Variants in ZYX observed in about 807,000 individuals in gnomAD.
ZYX encodes the protein zyxin-2.
ZYX carries 37 observed loss-of-function variants against 58.1 expected under a neutral mutation model. That is an observed-to-expected ratio of 0.64 (90% CI 0.49 to 0.84). The LOEUF is 0.84. Ranked by LOEUF, ZYX falls within the 40% of genes least tolerant of loss-of-function variation. ZYX has a pLI of 0.00. For missense variants in ZYX, 762 were observed against 761.6 expected (o/e 1.00, Z -0.01); for synonymous variants, 324 against 321.1 (o/e 1.01, Z -0.10).
rs1363911845 is a variant in ZYX, at chr7:143,389,450, C to G, written c.1494-407C>G. On this transcript the variant is annotated intron_variant, in intron 8 of 9. Transcript: ENST00000322764. This position sits in a 1 kb window ranked among gnomAD's most constrained non-coding sequence, Gnocchi z 5.6. The stretch of plus-strand genomic sequence containing the variant: ...ATCTGGGGTGGCCACAACTTCACAT[C>G]CCTCCACAGTGCCAGACAGTCAGGG... Among the ~76,000 whole-genome samples, 1 of 152,144 alleles carries G rather than the reference C, an allele frequency of 6.6e-6. No individual in the cohort carries two copies. The highest frequency in any genetic ancestry group is 1.5e-5 in the Non-Finnish European group (1 of 68,024).
At chr7:143,382,154 AG>A in intron 2 of ZYX, 93 bp from the exon 3 acceptor site, 1 of 1,052,754 alleles carries the variant, frequency 9.5e-7, no homozygotes, top group Non-Finnish European at 1.4e-6. Context: ...CCCCTGAGAG[AG>A]TTCTTGGGTT....
chr7:143,388,358 G>T lies in ZYX; in HGVS notation c.1144+19G>T, dbSNP rs769475273. ...GTCAACGGTGAGCCCACCCCACCGG[G>T]ACACCCCCACCCTGCCCCCACATCA... On this transcript the variant is annotated intron_variant, in intron 6 of 9. Transcript: ENST00000322764. The surrounding 1 kb of genome is among the most constrained non-coding windows in gnomAD (Gnocchi z 7.5). The T allele has an allele frequency of 7.4e-6, 12 of 1,613,290 alleles. No homozygotes were observed. Among genetic ancestry groups the T allele is most frequent in the Non-Finnish European group, 9.3e-6 (11 of 1,179,612 alleles).
chr7:143,382,932 G>A lies in ZYX; in HGVS notation c.633G>A (p.Gln211=). Residue 211 remains glutamine (Q), a synonymous_variant, in exon 5 of 10, where the codon CAG becomes CAA. Transcript: ENST00000322764. ...KSPSSSQPLP[Q]VPAPAQSQTQ... Reference sequence around the variant, plus strand: ...CTTCCAGCTCCCAGCCTCTGCCCCAGGTTCCGGCTCCGGCTCAGAGCCAGA... The same window carrying A: ...CTTCCAGCTCCCAGCCTCTGCCCCAAGTTCCGGCTCCGGCTCAGAGCCAGA... The A allele has an allele frequency of 6.2e-7, 1 of 1,614,080 alleles. No individual in the cohort carries two copies. Among genetic ancestry groups the A allele is most frequent in the Non-Finnish European group, 8.5e-7 (1 of 1,179,986 alleles).
rs139473664 is a variant in ZYX, at chr7:143,389,924, G to C, written c.1561G>C (p.Val521Leu). ...GCCTGAGCCTGGCCGAGATGAGACT[G>C]TGCGAGTGGTCGCCCTGGACAAGAA... ...IMPEPGRDET[V>L]RVVALDKNFH... is the part of the protein sequence containing the mutation. The change falls in exon 9 of 10, where the codon GTG (valine) becomes CTG (leucine). Residue 521 changes from valine (V) to leucine (L), a missense_variant. Physicochemically the swap from Val to Leu is conservative, Grantham distance 32 (BLOSUM62 1). Transcript: ENST00000322764. The surrounding 1 kb of genome is among the most constrained non-coding windows in gnomAD (Gnocchi z 5.6). The C allele has an allele frequency of 8.0e-5, 129 of 1,614,100 alleles. No individual in the cohort carries two copies. Among genetic ancestry groups the C allele is most frequent in the Admixed American group, 2.8e-4 (17 of 60,008 alleles).
rs767368635 is a variant in ZYX at position 143,382,234 on chromosome 7, C to A, written c.209-14C>A. On this transcript the variant is annotated splice_polypyrimidine_tract_variant and intron_variant, in intron 2 of 9. Coordinates refer to ENST00000322764, the MANE Select transcript of ZYX (RefSeq NM_003461.5). ...GAGGGACCCCGGCCGACGTCTTTCT[C>A]CTTCCTACCCCAGACTTTCCCCTGC... 6.2e-7 allele frequency: 1 copy of A among 1,610,596 alleles called. No individual in the cohort carries two copies. The highest frequency in any genetic ancestry group is 8.5e-7 in the Non-Finnish European group (1 of 1,178,286).
In ZYX at chr7:143,390,563, C is replaced by A. The variant is rs1377700840; in HGVS notation, c.1615-15C>A. ...GCCTTCCGGTCCAGTGCCCCTCACC[C>A]TTCCTTCTTCCCAGGACTGCGGGAA... On this transcript the variant is annotated splice_polypyrimidine_tract_variant and intron_variant, in intron 9 of 9. Coordinates refer to ENST00000322764, the MANE Select transcript of ZYX (RefSeq NM_003461.5). The surrounding 1 kb of genome is among the most constrained non-coding windows in gnomAD (Gnocchi z 4.3). 1 of 1,552,410 alleles carries A rather than the reference C, an allele frequency of 6.4e-7. No homozygotes were observed.
In ZYX at chr7:143,388,141, G is replaced by T; in HGVS notation, c.1024-78G>T. 1 of 1,503,352 alleles carries T rather than the reference G, an allele frequency of 6.7e-7. No homozygotes were observed. Among genetic ancestry groups the T allele is most frequent in the South Asian group, 1.3e-5 (1 of 77,976 alleles). 93.1% of individuals were successfully genotyped at this position (1,503,352 alleles called of 1,614,324 possible). A position where few individuals can be genotyped will look rare whatever the true frequency, so the allele number is the denominator to read the frequency against. ...AGCTGGGAGCTAAGCCTCATCGGAA[G>T]AAGCCGGGTAGGCTGGCCTGGGAAG... On this transcript the variant is annotated intron_variant, in intron 5 of 9. Transcript: ENST00000322764. The surrounding 1 kb of genome is among the most constrained non-coding windows in gnomAD (Gnocchi z 7.5).
rs1804657265 is a variant in ZYX at position 143,382,424 on chromosome 7, G to T, written c.385G>T (p.Ala129Ser). Reference sequence around the variant, plus strand: ...TCCGGAGGAGGAGGGAGGGCCTGAGGCCCCCATACCGCCCCCACCACAGGT... The same window carrying T: ...TCCGGAGGAGGAGGGAGGGCCTGAGTCCCCCATACCGCCCCCACCACAGGT... ...PPPEEEGGPE[A>S]PIPPPPQPRE... Residue 129 changes from alanine (A) to serine (S), a missense_variant, in exon 3 of 10, where the codon GCC (alanine) becomes TCC (serine). Physicochemically the swap from Ala to Ser is moderately conservative, Grantham distance 99 (BLOSUM62 1). Transcript: ENST00000322764. 1 of 1,584,986 alleles carries T rather than the reference G, an allele frequency of 6.3e-7. No individual in the cohort carries two copies. Among genetic ancestry groups the T allele is most frequent in the Non-Finnish European group, 8.6e-7 (1 of 1,167,242 alleles).
At position 143,389,847 on chromosome 7, in the gene ZYX, CCCCTTCCAGG is replaced by C; in HGVS notation, c.1494-8_1495del. The C allele has an allele frequency of 6.2e-7, 1 of 1,613,544 alleles. No homozygotes were observed. The highest frequency in any genetic ancestry group is 8.5e-7 in the Non-Finnish European group (1 of 1,179,864). ...TGGCTAACTCGGCTGGCCCTTTCTG[CCCCTTCCAGG>C]CAGTACGCCCCGAGGTGCTCCGTCT... On this transcript the variant is annotated splice_acceptor_variant and splice_polypyrimidine_tract_variant and coding_sequence_variant and intron_variant, in exon 9 of 10. Transcript: ENST00000322764. LOFTEE classifies it high-confidence loss of function. This position sits in a 1 kb window ranked among gnomAD's most constrained non-coding sequence, Gnocchi z 5.6.
In ZYX at chr7:143,389,098, A is replaced by T. The variant is rs1422566275; in HGVS notation, c.1493+153A>T. On this transcript the variant is annotated intron_variant, in intron 8 of 9. Transcript: ENST00000322764. This position sits in a 1 kb window ranked among gnomAD's most constrained non-coding sequence, Gnocchi z 5.6. Reference sequence around the variant, plus strand: ...AAACAGCAGGGACCAAGTCATCGGGATGTAGCTGTCCAGGGGCCTTAGGCC... The same window carrying T: ...AAACAGCAGGGACCAAGTCATCGGGTTGTAGCTGTCCAGGGGCCTTAGGCC... Among the ~76,000 whole-genome samples, 1 of 152,172 alleles carries T rather than the reference A, an allele frequency of 6.6e-6. No homozygotes were observed. The highest frequency in any genetic ancestry group is 1.5e-5 in the Non-Finnish European group (1 of 68,036).
Position 143,384,237 on chromosome 7 carries a change from C to A in ZYX, c.1023+915C>A, listed in dbSNP as rs140256551. 1.2e-4 allele frequency: 58 copies of A among 471,718 alleles called. No individual in the cohort carries two copies. The Middle Eastern group carries it at 2.6e-3, about 21-fold the overall frequency. The allele number at this position is 471,718 out of a possible 1,614,324, so 29.2% of individuals were successfully genotyped here. A position where few individuals can be genotyped will look rare whatever the true frequency, so the allele number is the denominator to read the frequency against. ...AAATGCCAAGGGCCAGTGAGCTTTG[C>A]AGAATCCTGTGAGTCACAGGCACTC... On this transcript the variant is annotated intron_variant, in intron 5 of 9. Transcript: ENST00000322764. This position sits in a 1 kb window ranked among gnomAD's most constrained non-coding sequence, Gnocchi z 4.9.
At position 143,388,893 on chromosome 7, in the gene ZYX, T is replaced by G. The variant is rs1035787606; in HGVS notation, c.1441T>G (p.Ser481Ala). 1 of 1,613,348 alleles carries G rather than the reference T, an allele frequency of 6.2e-7. No homozygotes were observed. The highest frequency in any genetic ancestry group is 8.5e-7 in the Non-Finnish European group (1 of 1,179,948). Residue 481 changes from serine (S) to alanine (A), a missense_variant, in exon 8 of 10, where the codon TCC becomes GCC. Coordinates refer to ENST00000322764, the MANE Select transcript of ZYX (RefSeq NM_003461.5). This position sits in a 1 kb window ranked among gnomAD's most constrained non-coding sequence, Gnocchi z 7.5. ...CTGCGCCCGCCCCCTGGAGGGCACC[T>G]CCTTCATCGTGGACCAGGCCAACCG... is the stretch of plus-strand genomic sequence containing the variant. ...VVCARPLEGT[S>A]FIVDQANRPH...
At position 143,389,611 on chromosome 7, in the gene ZYX, G is replaced by A. The variant is rs1804997339; in HGVS notation, c.1494-246G>A. ...GAATGGGACAGTAAGGGTCGAGTGG[G>A]AGAGAACACCGTGGCAGGTGTGTGG... On this transcript the variant is annotated intron_variant, in intron 8 of 9. Coordinates refer to ENST00000322764, the MANE Select transcript of ZYX (RefSeq NM_003461.5). This position sits in a 1 kb window ranked among gnomAD's most constrained non-coding sequence, Gnocchi z 5.6. Among the ~76,000 whole-genome samples the A allele has an allele frequency of 6.6e-6, 1 of 152,214 alleles. No individual in the cohort carries two copies. Among genetic ancestry groups the A allele is most frequent in the Admixed American group, 6.5e-5 (1 of 15,280 alleles).
Position 143,382,230 on chromosome 7 carries a change from T to G in ZYX, c.209-18T>G. On this transcript the variant is annotated intron_variant, in intron 2 of 9. Coordinates refer to ENST00000322764, the MANE Select transcript of ZYX (RefSeq NM_003461.5). ...GGTAGAGGGACCCCGGCCGACGTCT[T>G]TCTCCTTCCTACCCCAGACTTTCCC... The G allele has an allele frequency of 1.2e-6, 2 of 1,609,684 alleles. No homozygotes were observed. The highest frequency in any genetic ancestry group is 1.7e-6 in the Non-Finnish European group (2 of 1,177,702).
rs1378550326 is a variant in ZYX, at chr7:143,387,548, T to G, written c.1024-671T>G. On this transcript the variant is annotated intron_variant, in intron 5 of 9. Transcript: ENST00000322764. The surrounding 1 kb of genome is among the most constrained non-coding windows in gnomAD (Gnocchi z 5.8). Reference sequence around the variant, plus strand: ...CCTTAACATCCACCCCCCACTCCAGTCCCCGGGATCCCCTAAATGGGAAGG... The same window carrying G: ...CCTTAACATCCACCCCCCACTCCAGGCCCCGGGATCCCCTAAATGGGAAGG... 1.3e-5 allele frequency among the ~76,000 whole-genome samples: 2 copies of G among 152,054 alleles called. No individual in the cohort carries two copies. The highest frequency in any genetic ancestry group is 2.4e-5 in the African/African-American group (1 of 41,402).
intron 2 of ZYX, 146 bp downstream of exon 2, chr7:143,381,925 G>A (rs1386919739): frequency 1.2e-6 from 1 of 838,602 alleles, no homozygotes; most frequent in Non-Finnish European, 1.8e-6. Context: ...TTACCTCATC[G>A]TGGAGCTCGT....
chr7:143,390,773 G>C lies in ZYX; in HGVS notation c.*91G>C, dbSNP rs1805042116. 1.0e-6 allele frequency: 1 copy of C among 1,001,418 alleles called. No individual in the cohort carries two copies. The highest frequency in any genetic ancestry group is 2.6e-5 in the East Asian group (1 of 38,024). 62.0% of individuals were successfully genotyped at this position (1,001,418 alleles called of 1,614,324 possible). A position where few individuals can be genotyped will look rare whatever the true frequency, so the allele number is the denominator to read the frequency against. On this transcript the variant is annotated 3_prime_UTR_variant, in exon 10 of 10. Coordinates refer to ENST00000322764, the MANE Select transcript of ZYX (RefSeq NM_003461.5). The surrounding 1 kb of genome is among the most constrained non-coding windows in gnomAD (Gnocchi z 4.3). Reference sequence around the variant, plus strand: ...CTGCCCCCACCTCAGTTATTGTTTTGATGTCTAGCCCCTCCCATTTCCAAC... The same window carrying C: ...CTGCCCCCACCTCAGTTATTGTTTTCATGTCTAGCCCCTCCCATTTCCAAC...
chr7:143,390,377 G>A lies in ZYX; in HGVS notation c.1615-201G>A. ...TTGGGAGCAGCTCTACCCACTGCTT[G>A]CCCTCTTGCAGGAAGGTCCTAGTGG... On this transcript the variant is annotated intron_variant, in intron 9 of 9. Transcript: ENST00000322764. The surrounding 1 kb of genome is among the most constrained non-coding windows in gnomAD (Gnocchi z 4.3). 1 of 589,602 alleles carries A rather than the reference G, an allele frequency of 1.7e-6. No individual in the cohort carries two copies. Among genetic ancestry groups the A allele is most frequent in the East Asian group, 2.8e-5 (1 of 35,220 alleles). 36.5% of individuals were successfully genotyped at this position (589,602 alleles called of 1,614,324 possible). A position where few individuals can be genotyped will look rare whatever the true frequency, so the allele number is the denominator to read the frequency against.
In ZYX at chr7:143,381,875, A is replaced by C. The variant is rs910400797; in HGVS notation, c.208+96A>C. On this transcript the variant is annotated intron_variant, in intron 2 of 9. Coordinates refer to ENST00000322764, the MANE Select transcript of ZYX (RefSeq NM_003461.5). ...GGGATGTCTGGAAAGGTTGTTGCCGAGGGGGCTGGGCGCAGCCACCCTGTC... is the reference window on the plus strand; with the variant it reads ...GGGATGTCTGGAAAGGTTGTTGCCGCGGGGGCTGGGCGCAGCCACCCTGTC... 4 of 1,258,618 alleles carry C rather than the reference A, an allele frequency of 3.2e-6. No homozygotes were observed. In the East Asian group the frequency reaches 1.0e-4, roughly 32 times the overall value. The allele number at this position is 1,258,618 out of a possible 1,614,324, so 78.0% of individuals were successfully genotyped here.
Sources: gnomAD v4.1 joint callset for allele counts (sites outside exome capture counted in the v4.1 genomes callset) on GRCh38, gnomAD v4.1.1 for gene constraint, Gnocchi (gnomAD v3.1) non-coding constraint, MANE v1.5 for transcripts, NCBI Gene and HGNC (gene_info 2026-07-23, HGNC 2026-07-21) for gene names.